SGIP1: variants seen among roughly 807,000 people sequenced by gnomAD.
The protein encoded by SGIP1 is SH3-containing GRB2-like protein 3-interacting protein 1.
In SGIP1, 38 loss-of-function variants were observed where a neutral mutation model predicts 107.5. The observed-to-expected ratio is 0.35, with a 90% CI of 0.27 to 0.46. SGIP1 has a LOEUF of 0.46. Among genes scored for constraint, SGIP1 ranks in the 20% least tolerant of loss-of-function variants. SGIP1 has a pLI of 1.00. For missense variants in SGIP1, 929 were observed against 1,019.5 expected, an observed-to-expected ratio of 0.91 and a Z score of 1.21; for synonymous variants, 365 against 366.1, an observed-to-expected ratio of 1.00 and a Z score of 0.03.
intron 1 of SGIP1, among the ~76,000 whole-genome samples, chr1:66,535,558 T>C (rs1169498087): frequency 6.6e-6 from 1 of 152,178 alleles, no homozygotes; most frequent in East Asian, 1.9e-4. Context: ...ATGTCAAACA[T>C]TGTTAATGTG....
chr1:66,720,737 T>C, intron 19 of SGIP1, among the ~76,000 whole-genome samples: 1 of 151,970 alleles, frequency 6.6e-6, no homozygotes, highest in South Asian at 2.1e-4. Flanking sequence ...GAAAAATAAA[T>C]ACAATTTTAA....
At chr1:66,536,991 T>G (rs1404164876) in intron 1 of SGIP1, among the ~76,000 whole-genome samples, 1 of 152,166 alleles carries the variant, frequency 6.6e-6, no homozygotes, top group African/African-American at 2.4e-5. Context: ...ACGTTTTGTT[T>G]GTGTGGAACA....
intron 1 of SGIP1, among the ~76,000 whole-genome samples, chr1:66,585,344 C>A (rs1336923285): frequency 3.9e-5 from 6 of 152,116 alleles, no homozygotes; most frequent in African/African-American, 1.4e-4. Flanking sequence ...TTTGTATCTG[C>A]CTTAAGTTTA....
At chr1:66,555,045 A>C (rs986659619) in intron 1 of SGIP1, among the ~76,000 whole-genome samples, 25 of 152,112 alleles carry the variant, frequency 1.6e-4, no homozygotes, top group African/African-American at 6.0e-4. Flanking sequence ...TCAGTCACCA[A>C]GTACTATCAG....
intron 5 of SGIP1, among the ~76,000 whole-genome samples, chr1:66,640,906 A>T (rs927781844): frequency 6.6e-6 from 1 of 152,152 alleles, no homozygotes; most frequent in Non-Finnish European, 1.5e-5. Context: ...TTATACGCAG[A>T]ATCTAAAAAG....
At chr1:66,738,763 T>C (rs539547339) in intron 21 of SGIP1, among the ~76,000 whole-genome samples, 2 of 152,312 alleles carry the variant, frequency 1.3e-5, no homozygotes, top group Admixed American at 6.5e-5. Context: ...TAACCTACCC[T>C]AGTCTAACTC....
intron 21 of SGIP1, among the ~76,000 whole-genome samples, chr1:66,735,892 G>A (rs1379225437): frequency 6.6e-6 from 1 of 151,288 alleles, no homozygotes; most frequent in African/African-American, 2.4e-5. Flanking sequence ...TCTGTGCCTG[G>A]CTCATTTCAT....
rs769216482 is a variant in SGIP1 at position 66,632,891 on chromosome 1, CCA to C, written c.75-175_75-174del. On this transcript the variant is annotated intron_variant, in intron 2 of 24. Coordinates refer to ENST00000371037, the MANE Select transcript of SGIP1 (RefSeq NM_032291.4). ...AATTTCCTTCCCACATACACATACCCCACACTTAAATACCACTCAACCAATTT... is the reference window on the plus strand; with the variant it reads ...AATTTCCTTCCCACATACACATACCCCACTTAAATACCACTCAACCAATTT... 1.2e-4 allele frequency among the ~76,000 whole-genome samples: 18 copies of C among 152,308 alleles called. 1 individual carries two copies. In the East Asian group the frequency reaches 3.3e-3, roughly 28 times the overall value.
chr1:66,622,471 G>A (rs1434372741), intron 1 of SGIP1, among the ~76,000 whole-genome samples: 1 of 152,034 alleles, frequency 6.6e-6, no homozygotes, highest in Non-Finnish European at 1.5e-5. Flanking sequence ...ATCTTATCTG[G>A]TAAGACATTG....
At chr1:66,667,652 G>A (rs912252330) in intron 9 of SGIP1, 111 bp downstream of exon 9, 40 of 936,380 alleles carry the variant, frequency 4.3e-5, no homozygotes, top group Non-Finnish European at 6.3e-5. Flanking sequence ...TGTGAATGAG[G>A]CAGATGAAAT....
At chr1:66,572,810 C>A (rs2060555646) in intron 1 of SGIP1, among the ~76,000 whole-genome samples, 1 of 151,972 alleles carries the variant, frequency 6.6e-6, no homozygotes, top group African/African-American at 2.4e-5. Flanking sequence ...TGACATGAGT[C>A]ATCAACTAAT....
At chr1:66,630,868 A>G (rs1558133554) in intron 2 of SGIP1, among the ~76,000 whole-genome samples, 3 of 52,564 alleles carry the variant, frequency 5.7e-5, no homozygotes, top group Admixed American at 2.0e-4. Context: ...AGAAAGAAAG[A>G]AAGAAAGAAA....
intron 1 of SGIP1, among the ~76,000 whole-genome samples, chr1:66,534,574 A>G (rs1029680172): frequency 6.6e-6 from 1 of 152,238 alleles, no homozygotes; most frequent in Non-Finnish European, 1.5e-5. Context: ...CTCAGAACCT[A>G]CAGAGCTCCC....
At chr1:66,615,312 T>G (rs7520226) in intron 1 of SGIP1, among the ~76,000 whole-genome samples, 52,615 of 151,762 alleles carry the variant, frequency 0.35, 9,392 homozygotes, top group Admixed American at 0.41. Flanking sequence ...TTTCTATTTT[T>G]AGTGGAGATG....
At chr1:66,545,628 TTGTGTGTGTGTGTGTG>T (rs769603266) in intron 1 of SGIP1, among the ~76,000 whole-genome samples, 56 of 139,042 alleles carry the variant, frequency 4.0e-4, no homozygotes, top group African/African-American at 1.4e-3. Flanking sequence ...ACTGAACAAA[TTGTGTGTGTGTGTGTG>T]TGTGTGTGTG....
Position 66,682,348 on chromosome 1 carries a change from C to T in SGIP1, c.1294C>T (p.Pro432Ser). The T allele has an allele frequency of 1.2e-6, 2 of 1,612,946 alleles. No individual in the cohort carries two copies. The highest frequency in any genetic ancestry group is 8.5e-7 in the Non-Finnish European group (1 of 1,179,696). ...VVSSPGPGSG[P>S]GPGTTSGASS... is the part of the protein sequence containing the mutation. ...TTCGTCCCCCGGACCTGGCTCGGGC[C>T]CTGGTCCGGGGACCACCAGTGGTAT... The change falls in exon 15 of 25, where the codon CCT becomes TCT. Residue 432 changes from proline to serine, a missense_variant. Around this residue, in one of 2 missense-constraint regions of SGIP1, gnomAD observed 588 missense variants for 588.6 expected, o/e 1.00. Coordinates refer to ENST00000371037, the MANE Select transcript of SGIP1 (RefSeq NM_032291.4).
intron 14 of SGIP1, among the ~76,000 whole-genome samples, chr1:66,681,309 A>G (rs2086646034): frequency 6.6e-6 from 1 of 152,200 alleles, no homozygotes; most frequent in South Asian, 2.1e-4. Flanking sequence ...ATATACAGCT[A>G]AATACGATGT....
In SGIP1 at chr1:66,685,125, G is replaced by A. The variant is rs1051686556; in HGVS notation, c.1315+2756G>A. Reference sequence around the variant, plus strand: ...GTATGGCCTCATGTTTTAAAGATTAGCAGTGCTTCTCACTACCTGCTTTTC... The same window carrying A: ...GTATGGCCTCATGTTTTAAAGATTAACAGTGCTTCTCACTACCTGCTTTTC... On this transcript the variant is annotated intron_variant, in intron 15 of 24. Transcript: ENST00000371037. Among the ~76,000 whole-genome samples, 9 of 152,310 alleles carry A rather than the reference G, an allele frequency of 5.9e-5. No homozygotes were observed. In the East Asian group the frequency reaches 7.7e-4, roughly 13 times the overall value.
intron 2 of SGIP1, among the ~76,000 whole-genome samples, chr1:66,630,853 A>AGAGAGAGAGAGAG (rs1558133316): frequency 3.1e-5 from 1 of 32,722 alleles, no homozygotes; most frequent in East Asian, 2.2e-3. Flanking sequence ...GAAAGAAAGA[A>AGAGAGAGAGAGAG]AGAAAGAAAG....
Sources: gnomAD v4.1 joint callset for allele counts (sites outside exome capture counted in the v4.1 genomes callset) on GRCh38, gnomAD v4.1.1 for gene constraint, gnomAD v4.1.1 regional missense constraint, MANE v1.5 for transcripts, NCBI Gene and HGNC (gene_info 2026-07-23, HGNC 2026-07-21) for gene names.